The following CNBD1 variants were observed in gnomAD, a reference collection of about 807,000 sequenced individuals.
CNBD1 encodes the protein cyclic nucleotide binding domain containing 1.
CNBD1 carries 71 observed loss-of-function variants against 54.4 expected under a neutral mutation model. That is an observed-to-expected ratio of 1.30 (90% CI 1.08 to 1.59). The LOEUF (loss-of-function observed/expected upper bound fraction) is 1.59, where lower values mean the gene tolerates loss of function less well. Ranked by LOEUF, CNBD1 falls within the 40% of genes most tolerant of loss-of-function variation. CNBD1 has a pLI of 0.00. For synonymous variants in CNBD1, 182 were observed against 170.7 expected, an observed-to-expected ratio of 1.07 and a Z score of -0.51; for missense variants, 659 against 518.0, an observed-to-expected ratio of 1.27 and a Z score of -2.64.
intron 4 of CNBD1, among the ~76,000 whole-genome samples, chr8:87,175,158 G>T (rs773122650): frequency 6.6e-6 from 1 of 152,136 alleles, no homozygotes; most frequent in Non-Finnish European, 1.5e-5. Context: ...TCGCTTCAGG[G>T]TGTTGAGTTT....
chr8:87,179,805 T>C (rs1212553796), intron 4 of CNBD1, among the ~76,000 whole-genome samples: 1 of 152,172 alleles, frequency 6.6e-6, no homozygotes, highest in Non-Finnish European at 1.5e-5. Context: ...AATTTCATGA[T>C]GCAAAAAATC....
intron 8 of CNBD1, among the ~76,000 whole-genome samples, chr8:87,339,890 AC>A (rs1466834574): frequency 1.2e-4 from 19 of 152,224 alleles, no homozygotes; most frequent in African/African-American, 4.3e-4. Flanking sequence ...TTTGCTTTTA[AC>A]TTCTATACCA....
chr8:86,967,183 G>T lies in CNBD1; in HGVS notation c.431+27429G>T, dbSNP rs573671498. Among the ~76,000 whole-genome samples, 6 of 152,296 alleles carry T rather than the reference G, an allele frequency of 3.9e-5. No individual in the cohort carries two copies. In the East Asian group the frequency reaches 9.7e-4, roughly 25 times the overall value. On this transcript the variant is annotated intron_variant, in intron 4 of 10. Coordinates refer to ENST00000518476, the MANE Select transcript of CNBD1 (RefSeq NM_173538.3). ...AGCCTGCAGAAAAAGTGCGTGTGGG[G>T]GGTCCTTCCTGGGGCTTCCAAGGGT...
At position 87,237,124 on chromosome 8, in the gene CNBD1, G is replaced by C. The variant is rs1036518714; in HGVS notation, c.771+12G>C. ...CATATGACTCAATGGTAAGAGATGAGTATTTGCTTTTTCCACAAGCAACAA... is the reference window on the plus strand; with the variant it reads ...CATATGACTCAATGGTAAGAGATGACTATTTGCTTTTTCCACAAGCAACAA... On this transcript the variant is annotated intron_variant, in intron 6 of 10. Coordinates refer to ENST00000518476, the MANE Select transcript of CNBD1 (RefSeq NM_173538.3). 6.5e-7 allele frequency: 1 copy of C among 1,542,742 alleles called. No individual in the cohort carries two copies. The highest frequency in any genetic ancestry group is 1.4e-5 in the African/African-American group (1 of 72,716).
At chr8:87,416,252 G>A (rs956367807) in intron 2 of CNBD1, among the ~76,000 whole-genome samples, 1 of 151,978 alleles carries the variant, frequency 6.6e-6, no homozygotes, top group Non-Finnish European at 1.5e-5. Flanking sequence ...AAAATAAGTA[G>A]AAAGCTACCA....
intron 3 of CNBD1, among the ~76,000 whole-genome samples, chr8:86,934,871 A>C (rs1367773867): frequency 6.6e-6 from 1 of 152,200 alleles, no homozygotes; most frequent in Admixed American, 6.5e-5. Context: ...TTTTGCATCT[A>C]TAATCAGTGA....
intron 10 of CNBD1, among the ~76,000 whole-genome samples, chr8:87,357,272 G>T (rs111461392): frequency 6.6e-6 from 1 of 151,944 alleles, no homozygotes; most frequent in East Asian, 1.9e-4. Context: ...GAAGTGGGCT[G>T]CCACCCTCCA....
intron 4 of CNBD1, among the ~76,000 whole-genome samples, chr8:87,186,714 TA>T (rs1813483023): frequency 1.3e-5 from 2 of 152,066 alleles, no homozygotes; most frequent in South Asian, 4.1e-4. Flanking sequence ...TTAACTTATT[TA>T]TTTAAATAAA....
intron 10 of CNBD1, among the ~76,000 whole-genome samples, chr8:87,364,693 A>G (rs10106994): frequency 0.4 from 60,594 of 151,328 alleles, 12,356 homozygotes; most frequent in Middle Eastern, 0.46. Flanking sequence ...CCCTTTGTGC[A>G]TTCATGTGTT....
intron 1 of CNBD1, among the ~76,000 whole-genome samples, chr8:86,884,174 A>AC (rs1420025459): frequency 6.7e-6 from 1 of 149,096 alleles, no homozygotes; most frequent in Non-Finnish European, 1.5e-5. Flanking sequence ...AACAAAACAA[A>AC]ACAAAAAAAC....
At chr8:87,342,536 G>A (rs970629449) in intron 8 of CNBD1, among the ~76,000 whole-genome samples, 10 of 151,926 alleles carry the variant, frequency 6.6e-5, no homozygotes, top group Non-Finnish European at 1.5e-5. Flanking sequence ...ACTATTGGGG[G>A]AACCAGCCCC....
chr8:87,204,179 G>C (rs1813921823), intron 4 of CNBD1, among the ~76,000 whole-genome samples: 1 of 152,126 alleles, frequency 6.6e-6, no homozygotes, highest in South Asian at 2.1e-4. Flanking sequence ...TATTTCAGTG[G>C]TACAGATGCT....
chr8:87,305,799 A>C (rs1458222299), intron 8 of CNBD1, among the ~76,000 whole-genome samples: 1 of 152,190 alleles, frequency 6.6e-6, no homozygotes, highest in Non-Finnish European at 1.5e-5. Context: ...AACTATAAAA[A>C]TTCTAGATGA....
At chr8:87,205,903 A>G (rs1432124736) in intron 4 of CNBD1, 90 bp from the exon 5 acceptor site, 38 of 1,074,998 alleles carry the variant, frequency 3.5e-5, no homozygotes, top group Non-Finnish European at 4.4e-5. Flanking sequence ...AACAGAAAAT[A>G]CAAATTTGGA....
At chr8:86,975,182 G>A (rs186000069) in intron 4 of CNBD1, among the ~76,000 whole-genome samples, 22 of 152,026 alleles carry the variant, frequency 1.4e-4, no homozygotes, top group African/African-American at 5.3e-4. Flanking sequence ...TATACGTTGT[G>A]GAATGATTGA....
intron 6 of CNBD1, among the ~76,000 whole-genome samples, chr8:87,265,605 G>T (rs10216557): frequency 6.6e-6 from 1 of 151,946 alleles, no homozygotes; most frequent in Non-Finnish European, 1.5e-5. Context: ...TCAAATGAAT[G>T]AAACTCTAGA....
chr8:87,104,130 G>A (rs530085723), intron 4 of CNBD1, among the ~76,000 whole-genome samples: 4 of 152,264 alleles, frequency 2.6e-5, no homozygotes, highest in South Asian at 2.1e-4. Flanking sequence ...GCAAAGAATC[G>A]GATGAGGTAA....
At chr8:86,873,725 T>C (rs1442787396) in intron 1 of CNBD1, among the ~76,000 whole-genome samples, 1 of 152,188 alleles carries the variant, frequency 6.6e-6, no homozygotes, top group Non-Finnish European at 1.5e-5. Flanking sequence ...GGGTATTTTA[T>C]CTTTTTTCTA....
At position 87,286,559 on chromosome 8, in the gene CNBD1, T is replaced by C; in HGVS notation, c.930T>C (p.Asn310=). The part of the protein sequence containing the change: ...KIKEEKIKLE[N]MQKLKLIRMC... ...TTTAGGAAAAAATAAAACTTGAAAA[T>C]ATGCAAAAGTTGAAATTAATCCGTA... is the stretch of plus-strand genomic sequence containing the variant. Residue 310 remains asparagine (N), a synonymous_variant, in exon 8 of 11, where the codon AAT becomes AAC. Transcript: ENST00000518476. 6.9e-7 allele frequency: 1 copy of C among 1,446,092 alleles called. No homozygotes were observed. Among genetic ancestry groups the C allele is most frequent in the South Asian group, 1.3e-5 (1 of 79,792 alleles). The allele number at this position is 1,446,092 out of a possible 1,614,324, so 89.6% of individuals were successfully genotyped here.
Sources: allele counts gnomAD v4.1 joint callset (sites outside exome capture counted in the v4.1 genomes callset), GRCh38; gene constraint gnomAD v4.1.1; transcripts MANE v1.5; gene names NCBI Gene and HGNC (gene_info 2026-07-23, HGNC 2026-07-21).